The following TEX11 variants were observed in gnomAD, a reference collection of about 807,000 sequenced individuals.
TEX11 encodes the protein testis-expressed protein 11.
TEX11 carries 7 observed loss-of-function variants against 84.4 expected under a neutral mutation model. That is an observed-to-expected ratio of 0.08 (90% CI 0.05 to 0.16). TEX11 has a LOEUF of 0.16. Among genes scored for constraint, TEX11 ranks in the 10% least tolerant of loss-of-function variants. The pLI, the probability that TEX11 is intolerant of heterozygous loss-of-function variation, is 1.00. For synonymous variants in TEX11, 264 were observed against 222.8 expected (o/e 1.18, Z -1.64); for missense variants, 551 against 660.5 (o/e 0.83, Z 1.82).
At chrX:70,751,878 A>G (rs907837812) in intron 9 of TEX11, among the ~76,000 whole-genome samples, 6 of 112,508 alleles carry the variant, frequency 5.3e-5, no homozygotes, top group Admixed American at 3.8e-4. Flanking sequence ...AGGTAATTAT[A>G]AAAGAAAGTA....
intron 16 of TEX11, among the ~76,000 whole-genome samples, chrX:70,658,759 C>G (rs898914250): frequency 9.1e-6 from 1 of 110,324 alleles, no homozygotes; most frequent in African/African-American, 3.3e-5. Flanking sequence ...ATAAAAAAAC[C>G]CATCCTAAAA....
chrX:70,805,096 T>C (rs1175165739), intron 9 of TEX11, among the ~76,000 whole-genome samples: 1 of 107,571 alleles, frequency 9.3e-6, no homozygotes, highest in Non-Finnish European at 1.9e-5. Flanking sequence ...AATACTGGAA[T>C]AGAACTCCAG....
intron 9 of TEX11, among the ~76,000 whole-genome samples, chrX:70,769,678 G>T (rs1467088028): frequency 9.0e-6 from 1 of 111,608 alleles, no homozygotes; most frequent in Non-Finnish European, 1.9e-5. Flanking sequence ...TCTTAAAGGA[G>T]GTCCTGAGGC....
At chrX:70,679,372 A>T (rs1447187526) in intron 14 of TEX11, among the ~76,000 whole-genome samples, 2 of 103,535 alleles carry the variant, frequency 1.9e-5, no homozygotes, top group Admixed American at 1.0e-4. Flanking sequence ...CCGTCTGGGA[A>T]GTGAGGAGCG....
At chrX:70,547,363 A>G (rs2088144035) in intron 28 of TEX11, among the ~76,000 whole-genome samples, 1 of 111,227 alleles carries the variant, frequency 9.0e-6, no homozygotes, top group African/African-American at 3.3e-5. Flanking sequence ...CTCTGCAGGA[A>G]CACCAAATTT....
chrX:70,511,276 T>C, the TEX11 span, among the ~76,000 whole-genome samples: 1 of 112,637 alleles, frequency 8.9e-6, no homozygotes, highest in African/African-American at 3.2e-5. Flanking sequence ...CAATTCAGCC[T>C]TTCTGTTATA....
At chrX:70,877,617 TAGATGCAACCCAA>T (rs1251859647) in intron 3 of TEX11, among the ~76,000 whole-genome samples, 2 of 111,778 alleles carry the variant, frequency 1.8e-5, no homozygotes, top group African/African-American at 3.3e-5. Context: ...AGGCAAAAGG[TAGATGCAACCCAA>T]GTGTCCATCA....
chrX:70,848,132 T>C (rs1310679672), intron 7 of TEX11, among the ~76,000 whole-genome samples: 1 of 111,928 alleles, frequency 8.9e-6, no homozygotes, highest in African/African-American at 3.2e-5. Flanking sequence ...CAGGTTACTC[T>C]TCACTAGGTG....
chrX:70,705,785 C>CA (rs1556024211), intron 13 of TEX11, among the ~76,000 whole-genome samples: 7 of 111,025 alleles, frequency 6.3e-5, no homozygotes, highest in African/African-American at 2.3e-4. Context: ...GTTAGAATGG[C>CA]ATCATTAAAA....
At chrX:70,772,914 G>A in intron 9 of TEX11, among the ~76,000 whole-genome samples, 1 of 110,252 alleles carries the variant, frequency 9.1e-6, no homozygotes. Context: ...CAAACTCAAA[G>A]ACAGGCCATT....
At chrX:70,682,449 T>C (rs1449228060) in intron 14 of TEX11, among the ~76,000 whole-genome samples, 1 of 111,761 alleles carries the variant, frequency 8.9e-6, no homozygotes, top group Admixed American at 9.5e-5. Context: ...CAGAAGTTTG[T>C]CTGTTTTCAA....
At chrX:70,780,270 T>C (rs1178436687) in intron 9 of TEX11, among the ~76,000 whole-genome samples, 1 of 111,969 alleles carries the variant, frequency 8.9e-6, no homozygotes, top group African/African-American at 3.2e-5. Context: ...CAAGACTCCA[T>C]CACGCACACA....
intron 25 of TEX11, among the ~76,000 whole-genome samples, chrX:70,570,955 T>G (rs781765245): frequency 8.9e-6 from 1 of 112,156 alleles, no homozygotes; most frequent in African/African-American, 3.2e-5. Flanking sequence ...GCAAGACTTT[T>G]AGCAATTGTA....
chrX:70,818,150 G>T (rs771355297), intron 8 of TEX11, among the ~76,000 whole-genome samples: 3 of 110,607 alleles, frequency 2.7e-5, no homozygotes, highest in Non-Finnish European at 5.7e-5. Context: ...TTATCCAGGC[G>T]TGGTGACGCG....
chrX:70,849,162 T>C (rs999447447), intron 7 of TEX11, among the ~76,000 whole-genome samples: 1 of 112,407 alleles, frequency 8.9e-6, no homozygotes, highest in African/African-American at 3.2e-5. Context: ...AAAGTCTGTG[T>C]CCCACCTAAC....
intron 28 of TEX11, among the ~76,000 whole-genome samples, chrX:70,550,368 G>A (rs1311786852): frequency 1.8e-5 from 2 of 111,428 alleles, no homozygotes; most frequent in Non-Finnish European, 3.8e-5. Flanking sequence ...TACAAGTATG[G>A]GCAACCAAAT....
chrX:70,570,421 C>T (rs939176908), intron 25 of TEX11, among the ~76,000 whole-genome samples: 7 of 112,005 alleles, frequency 6.2e-5, no homozygotes, highest in African/African-American at 6.5e-5. Context: ...CACTGTCCTG[C>T]GCCCACTGTC....
At chrX:70,749,107 T>C (rs1269617624) in intron 9 of TEX11, among the ~76,000 whole-genome samples, 1 of 105,600 alleles carries the variant, frequency 9.5e-6, no homozygotes, top group Non-Finnish European at 1.9e-5. Flanking sequence ...TGAGCAGTGG[T>C]TTGTAGTTCT....
chrX:70,755,832 T>G (rs915089573), intron 9 of TEX11, among the ~76,000 whole-genome samples: 1 of 112,403 alleles, frequency 8.9e-6, no homozygotes, highest in African/African-American at 3.2e-5. Flanking sequence ...GGGACTTTCC[T>G]TTCCTAGCCA....
Sources: gnomAD v4.1 joint callset for allele counts (sites outside exome capture counted in the v4.1 genomes callset) on GRCh38, gnomAD v4.1.1 for gene constraint, MANE v1.5 for transcripts, NCBI Gene and HGNC (gene_info 2026-07-23, HGNC 2026-07-21) for gene names.